The following PTCSC3 variants were observed in gnomAD, a reference collection of about 807,000 sequenced individuals.
PTCSC3 encodes papillary thyroid carcinoma susceptibility candidate 3.
intron 2 of PTCSC3, among the ~76,000 whole-genome samples, chr14:36,161,821 G>A (rs181889647): frequency 4.6e-5 from 7 of 152,300 alleles, no homozygotes; most frequent in East Asian, 1.9e-4. Context: ...AGTTGCACCC[G>A]CAACCACCCC....
intron 1 of PTCSC3, among the ~76,000 whole-genome samples, chr14:36,172,875 T>A (rs1882213997): frequency 6.6e-6 from 1 of 152,132 alleles, no homozygotes; most frequent in African/African-American, 2.4e-5. Context: ...TTGATTTGTT[T>A]TAGCTGCAAA....
chr14:36,136,540 G>A (rs34890340), intron 3 of PTCSC3, among the ~76,000 whole-genome samples: 9,648 of 152,174 alleles, frequency 0.063, 398 homozygotes, highest in Middle Eastern at 0.092. Flanking sequence ...CCAGTTTCAG[G>A]GTTCAGGTGG....
chr14:36,176,415 T>C (rs1882280803), exon 1 of PTCSC3: 1 of 151,812 alleles, frequency 6.6e-6, no homozygotes, highest in South Asian at 2.1e-4. Flanking sequence ...ACAGGCAGAG[T>C]AGAAATGGGA....
intron 2 of PTCSC3, among the ~76,000 whole-genome samples, chr14:36,159,329 T>G (rs1419052501): frequency 6.6e-6 from 1 of 152,078 alleles, no homozygotes; most frequent in Admixed American, 6.6e-5. Context: ...GTTCTTTTAA[T>G]TGTGATGTTA....
At chr14:36,158,567 A>C (rs1212410798) in intron 2 of PTCSC3, among the ~76,000 whole-genome samples, 1 of 152,126 alleles carries the variant, frequency 6.6e-6, no homozygotes, top group African/African-American at 2.4e-5. Flanking sequence ...ATTGATTTGC[A>C]TGTGTTGAAC....
At chr14:36,161,614 C>T (rs999296751) in intron 2 of PTCSC3, among the ~76,000 whole-genome samples, 2 of 152,126 alleles carry the variant, frequency 1.3e-5, no homozygotes, top group South Asian at 4.1e-4. Flanking sequence ...CAGAGGGGCA[C>T]CCGCCAGATG....
chr14:36,165,201 A>C (rs1882061998), intron 1 of PTCSC3: 1 of 152,290 alleles, frequency 6.6e-6, no homozygotes, highest in Admixed American at 6.5e-5. Context: ...TGGAGGTGTG[A>C]GCAGTAGATA....
rs112421017 is a variant in PTCSC3, at chr14:36,163,689, T to C, written n.172-1006A>G. On this transcript the variant is annotated intron_variant and non_coding_transcript_variant, in intron 1 of 3. Coordinates refer to ENST00000556013, the Ensembl canonical transcript of PTCSC3. ...ACATTCTATTGTGAATGTTTTGTGATATAAGGTCATTTTAGTCCTATATTC... is the reference window on the plus strand; with the variant it reads ...ACATTCTATTGTGAATGTTTTGTGACATAAGGTCATTTTAGTCCTATATTC... Among the ~76,000 whole-genome samples, 361 of 152,326 alleles carry C rather than the reference T, an allele frequency of 2.4e-3. 4 individuals carry two copies. Among genetic ancestry groups the C allele is most frequent in the African/African-American group, 8.0e-3 (333 of 41,570 alleles).
intron 3 of PTCSC3, among the ~76,000 whole-genome samples, chr14:36,142,653 TC>T (rs1227056319): frequency 6.6e-6 from 1 of 151,946 alleles, no homozygotes; most frequent in East Asian, 1.9e-4. Context: ...TCATTCAATT[TC>T]TTTTTTTTTT....
rs955505330 is a variant in PTCSC3 at position 36,140,006 on chromosome 14, A to G, written n.323-3650T>C. ...TATCCATCCCTTCCATCACCCTCCA[A>G]GAATCCATGCAACCATGGACCTTTT... On this transcript the variant is annotated intron_variant and non_coding_transcript_variant, in intron 3 of 3. Transcript: ENST00000556013. Among the ~76,000 whole-genome samples the G allele has an allele frequency of 4.6e-5, 7 of 152,170 alleles. 1 individual carries two copies. The highest frequency in any genetic ancestry group is 2.6e-4 in the Admixed American group (4 of 15,280).
intron 3 of PTCSC3, among the ~76,000 whole-genome samples, chr14:36,151,301 C>T (rs558571363): frequency 1.3e-5 from 2 of 151,968 alleles, no homozygotes; most frequent in East Asian, 3.9e-4. Flanking sequence ...CCCCTGCCCT[C>T]TGGCTTTTTT....
At chr14:36,172,240 AT>A (rs1277684352) in intron 1 of PTCSC3, among the ~76,000 whole-genome samples, 1 of 152,054 alleles carries the variant, frequency 6.6e-6, no homozygotes, top group Non-Finnish European at 1.5e-5. Flanking sequence ...AGTTTTTAGA[AT>A]TTTTAGTTAA....
chr14:36,153,742 TG>T (rs1881772001), intron 3 of PTCSC3: 2 of 152,194 alleles, frequency 1.3e-5, no homozygotes, highest in East Asian at 3.8e-4. Flanking sequence ...AAATAAATCT[TG>T]TTATATTTGT....
intron 1 of PTCSC3, among the ~76,000 whole-genome samples, chr14:36,171,556 T>A (rs79082759): frequency 0.015 from 2,327 of 152,258 alleles, 66 homozygotes; most frequent in African/African-American, 0.054. Flanking sequence ...TTCTGAACAA[T>A]CTAATTGGGC....
intron 3 of PTCSC3, among the ~76,000 whole-genome samples, chr14:36,149,229 C>A (rs1030504325): frequency 6.6e-6 from 1 of 152,044 alleles, no homozygotes; most frequent in Admixed American, 6.6e-5. Flanking sequence ...TTTCTTGAAA[C>A]TTCTTCTTTG....
At chr14:36,147,968 A>G (rs374709423) in intron 3 of PTCSC3, among the ~76,000 whole-genome samples, 3 of 151,826 alleles carry the variant, frequency 2.0e-5, no homozygotes, top group African/African-American at 7.3e-5. Context: ...TCCCAGTTAG[A>G]CTGCTCGGGG....
chr14:36,155,809 T>A (rs1881814045), intron 2 of PTCSC3, among the ~76,000 whole-genome samples: 1 of 152,138 alleles, frequency 6.6e-6, no homozygotes, highest in African/African-American at 2.4e-5. Flanking sequence ...GGGATTTATA[T>A]ATATATGTAT....
chr14:36,158,217 C>T (rs1881872856), intron 2 of PTCSC3, among the ~76,000 whole-genome samples: 1 of 152,162 alleles, frequency 6.6e-6, no homozygotes, highest in Non-Finnish European at 1.5e-5. Context: ...AATTTGACTT[C>T]CTCTTTTCTT....
intron 3 of PTCSC3, among the ~76,000 whole-genome samples, chr14:36,139,367 T>C (rs1881368756): frequency 6.6e-6 from 1 of 152,160 alleles, no homozygotes; most frequent in Admixed American, 6.5e-5. Flanking sequence ...AGTGCACAAC[T>C]GCATTTCTGG....
Sources: gnomAD v4.1 joint callset for allele counts (sites outside exome capture counted in the v4.1 genomes callset) on GRCh38, gnomAD v4.1.1 for gene constraint, MANE v1.5 for transcripts, NCBI Gene and HGNC (gene_info 2026-07-23, HGNC 2026-07-21) for gene names.